The following QSOX2 variants were observed in gnomAD, a reference collection of about 807,000 sequenced individuals.
QSOX2 encodes quiescin sulfhydryl oxidase 2.
In QSOX2, 46 loss-of-function variants were observed where a neutral mutation model predicts 61.7. The observed-to-expected ratio is 0.75, with a 90% CI of 0.59 to 0.95. The LOEUF (loss-of-function observed/expected upper bound fraction) is 0.95. QSOX2 is among the 40% of genes least tolerant of loss of function. QSOX2 has a pLI of 0.00. For synonymous variants in QSOX2, 383 were observed against 388.4 expected (o/e 0.99, Z 0.16); for missense variants, 879 against 918.9 (o/e 0.96, Z 0.56).
At chr9:136,218,437 G>A (rs557678375) in intron 8 of QSOX2, among the ~76,000 whole-genome samples, 2 of 152,134 alleles carry the variant, frequency 1.3e-5, no homozygotes, top group African/African-American at 4.8e-5. Context: ...GCAGGTGCTC[G>A]GCTCACACCC....
At chr9:136,238,961 C>G (rs1221623965) in intron 1 of QSOX2, among the ~76,000 whole-genome samples, 1 of 152,128 alleles carries the variant, frequency 6.6e-6, no homozygotes. Flanking sequence ...AAAGCCAACC[C>G]GGACCACACG....
chr9:136,244,871 G>A (rs551757152), intron 1 of QSOX2, among the ~76,000 whole-genome samples: 1 of 152,164 alleles, frequency 6.6e-6, no homozygotes, highest in Admixed American at 6.5e-5. Context: ...GGTTGTTTTG[G>A]GGTATTATAG....
At chr9:136,244,558 G>A (rs1830455654) in intron 1 of QSOX2, among the ~76,000 whole-genome samples, 1 of 152,228 alleles carries the variant, frequency 6.6e-6, no homozygotes, top group Non-Finnish European at 1.5e-5. Context: ...TGTAATTTGA[G>A]GTTAGCACAA....
intron 1 of QSOX2, 152 bp downstream of exon 1, chr9:136,245,324 C>G: frequency 1.6e-6 from 1 of 642,596 alleles, no homozygotes; most frequent in Non-Finnish European, 2.6e-6. Context: ...TGGTCCGAGT[C>G]GGGTGCCTCT....
At chr9:136,219,345 G>A (rs1407755433) in intron 6 of QSOX2, among the ~76,000 whole-genome samples, 181 bp from the exon 7 acceptor site, 1 of 152,162 alleles carries the variant, frequency 6.6e-6, no homozygotes, top group Non-Finnish European at 1.5e-5. Context: ...TCCACCTGGG[G>A]GATAAGAGGA....
At chr9:136,211,480 C>G (rs200090727) in intron 10 of QSOX2, 28 bp from the exon 11 acceptor site, 25 of 1,607,654 alleles carry the variant, frequency 1.6e-5, no homozygotes, top group South Asian at 1.5e-4. Context: ...CTGCTGACAA[C>G]GGCAGGTGCG....
chr9:136,235,053 C>T (rs2131066611), intron 1 of QSOX2, among the ~76,000 whole-genome samples: 1 of 152,306 alleles, frequency 6.6e-6, no homozygotes, highest in Non-Finnish European at 1.5e-5. Flanking sequence ...AGCAGACCCT[C>T]CTTGCAGGTG....
rs538251617 is a variant in QSOX2, at chr9:136,218,967, A to G, written c.956+63T>C. 4 of 1,593,316 alleles carry G rather than the reference A, an allele frequency of 2.5e-6. No individual in the cohort carries two copies. In the South Asian group the frequency reaches 3.4e-5, roughly 13 times the overall value. On this transcript the variant is annotated intron_variant, in intron 7 of 11. Coordinates refer to ENST00000358701, the MANE Select transcript of QSOX2 (RefSeq NM_181701.4). ...GGTTTCTGAGTAAACCCGCCCTGCA[A>G]GCACGCAGCCTTCGGTCTACACGCA...
chr9:136,229,718 T>A (rs1299089446), intron 1 of QSOX2, among the ~76,000 whole-genome samples: 1 of 152,224 alleles, frequency 6.6e-6, no homozygotes, highest in East Asian at 1.9e-4. Context: ...TGGTCCCATC[T>A]GTGGTTTCTC....
intron 8 of QSOX2, among the ~76,000 whole-genome samples, chr9:136,218,066 G>A (rs1220574059): frequency 6.6e-6 from 1 of 152,162 alleles, no homozygotes; most frequent in African/African-American, 2.4e-5. Context: ...ACAAGCAACC[G>A]AGCTCATGGA....
Position 136,208,632 on chromosome 9 carries a change from T to G in QSOX2, c.*96A>C. The G allele has an allele frequency of 7.0e-7, 1 of 1,424,440 alleles. No homozygotes were observed. The highest frequency in any genetic ancestry group is 9.3e-7 in the Non-Finnish European group (1 of 1,071,100). The allele number at this position is 1,424,440 out of a possible 1,614,324, so 88.2% of individuals were successfully genotyped here. On this transcript the variant is annotated 3_prime_UTR_variant, in exon 12 of 12. Transcript: ENST00000358701. ...CGATGTGAAACCAGGCCCGCATGTT[T>G]ATAAAATCCCTGATCATAAATATTA...
intron 1 of QSOX2, among the ~76,000 whole-genome samples, chr9:136,244,918 G>T (rs1017752563): frequency 1.3e-5 from 2 of 152,162 alleles, no homozygotes; most frequent in Non-Finnish European, 2.9e-5. Context: ...TAAGTTGTGG[G>T]TTCACTTTGA....
chr9:136,210,276 A>G (rs1406164735), intron 11 of QSOX2: 2 of 985,382 alleles, frequency 2.0e-6, no homozygotes, highest in Non-Finnish European at 2.4e-6. Flanking sequence ...GTCTCAATGC[A>G]CAGGCTGGAG....
chr9:136,235,005 C>T (rs970898986), intron 1 of QSOX2, among the ~76,000 whole-genome samples: 17 of 152,034 alleles, frequency 1.1e-4, no homozygotes, highest in African/African-American at 3.9e-4. Flanking sequence ...CTACCCTGAC[C>T]GCTGTTCAAC....
chr9:136,233,022 T>C (rs376641348), intron 1 of QSOX2, among the ~76,000 whole-genome samples: 24 of 151,358 alleles, frequency 1.6e-4, no homozygotes, highest in African/African-American at 5.3e-4. Flanking sequence ...AGTGCCCTAT[T>C]AGGGAAAAAA....
chr9:136,227,119 G>A (rs988367633), intron 1 of QSOX2, among the ~76,000 whole-genome samples: 2 of 152,244 alleles, frequency 1.3e-5, no homozygotes, highest in African/African-American at 4.8e-5. Flanking sequence ...TGCTGAACCT[G>A]CACATCACGG....
chr9:136,206,447 GCTT>G lies in QSOX2; in HGVS notation c.*2278_*2280del, dbSNP rs755088158. 1 of 152,516 alleles carries G rather than the reference GCTT, an allele frequency of 6.6e-6. No homozygotes were observed. Among genetic ancestry groups the G allele is most frequent in the African/African-American group, 2.4e-5 (1 of 41,422 alleles). The allele number at this position is 152,516 out of a possible 1,614,324, so 9.4% of individuals were successfully genotyped here. On this transcript the variant is annotated 3_prime_UTR_variant, in exon 12 of 12. Coordinates refer to ENST00000358701, the MANE Select transcript of QSOX2 (RefSeq NM_181701.4). Reference sequence around the variant, plus strand: ...TTCACTGACATTTCCATGTCAATTAGCTTCTTTTTAATAAAAATCCTTCCACTG... The same window carrying G: ...TTCACTGACATTTCCATGTCAATTAGCTTTTTAATAAAAATCCTTCCACTG...
intron 1 of QSOX2, among the ~76,000 whole-genome samples, chr9:136,231,198 A>C (rs1304837780): frequency 6.6e-6 from 1 of 152,216 alleles, no homozygotes; most frequent in Non-Finnish European, 1.5e-5. Flanking sequence ...AAAGTCCGTC[A>C]GGTCCGCATA....
Position 136,218,736 on chromosome 9 carries a change from C to G in QSOX2, c.1029G>C (p.Lys343Asn), listed in dbSNP as rs1217964754. ...YLLRVELAAH[K>N]SLAGAELKTL... ...TCTTCAGCTCTGCTCCGGCCAGGGA[C>G]TTGTGGGCTGCCAGCTCCACCCGCA... Residue 343 changes from lysine to asparagine, a missense_variant, in exon 8 of 12, where the codon AAG (lysine) becomes AAC (asparagine). Transcript: ENST00000358701. 6.2e-7 allele frequency: 1 copy of G among 1,613,632 alleles called. No individual in the cohort carries two copies. The highest frequency in any genetic ancestry group is 1.7e-5 in the Admixed American group (1 of 60,006).
Sources: allele counts gnomAD v4.1 joint callset (sites outside exome capture counted in the v4.1 genomes callset), GRCh38; gene constraint gnomAD v4.1.1; transcripts MANE v1.5; gene names NCBI Gene and HGNC (gene_info 2026-07-23, HGNC 2026-07-21).